The following RPS6KA2 variants were observed in gnomAD, a reference collection of about 807,000 sequenced individuals.
The protein encoded by RPS6KA2 is ribosomal protein S6 kinase A2, also known as ribosomal protein S6 kinase alpha-2.
A neutral mutation model predicts 91.8 loss-of-function variants in RPS6KA2; 42 were observed. That is an observed-to-expected ratio of 0.46 (90% CI 0.36 to 0.59). RPS6KA2 has a LOEUF of 0.59. RPS6KA2 is among the 20% of genes least tolerant of loss of function. The pLI is 0.00. For missense variants in RPS6KA2, 798 were observed against 978.5 expected, an observed-to-expected ratio of 0.82 and a Z score of 2.46; for synonymous variants, 414 against 393.6, an observed-to-expected ratio of 1.05 and a Z score of -0.61.
intron 1 of RPS6KA2, among the ~76,000 whole-genome samples, chr6:166,611,923 C>T (rs1194551449): frequency 1.3e-5 from 2 of 152,202 alleles, no homozygotes; most frequent in Non-Finnish European, 2.9e-5. Context: ...AGGGCACACA[C>T]GCCCAGGATG....
intron 1 of RPS6KA2, among the ~76,000 whole-genome samples, chr6:166,860,884 C>G (rs1781031935): frequency 6.6e-6 from 1 of 152,192 alleles, no homozygotes; most frequent in South Asian, 2.1e-4. Context: ...GCACCATCCT[C>G]AACACCAAGA....
At chr6:166,758,655 C>A (rs577052290) in intron 2 of RPS6KA2, among the ~76,000 whole-genome samples, 1 of 152,328 alleles carries the variant, frequency 6.6e-6, no homozygotes, top group African/African-American at 2.4e-5. Context: ...TACCAACTGA[C>A]AATCGCCTTC....
rs528463026 is a variant in RPS6KA2 at position 166,859,463 on chromosome 6, T to G, written c.64-1204A>C. 7.2e-5 allele frequency among the ~76,000 whole-genome samples: 11 copies of G among 152,338 alleles called. No homozygotes were observed. In the East Asian group the frequency reaches 1.5e-3, roughly 21 times the overall value. On this transcript the variant is annotated intron_variant, in intron 1 of 21. Transcript: ENST00000503859. Reference sequence around the variant, plus strand: ...GTGCCTTCAACTTGCCAGAACATAATTCATGAAATACTACATGTTTCTTTT... The same window carrying G: ...GTGCCTTCAACTTGCCAGAACATAAGTCATGAAATACTACATGTTTCTTTT...
intron 3 of RPS6KA2, among the ~76,000 whole-genome samples, chr6:166,525,903 T>C (rs1367525198): frequency 6.6e-6 from 1 of 152,180 alleles, no homozygotes. Flanking sequence ...CTTGGGCTAA[T>C]GGAACGCAGA....
In RPS6KA2 at chr6:166,612,608, G is replaced by T. The variant is rs2128534126; in HGVS notation, c.99+14313C>A. On this transcript the variant is annotated intron_variant, in intron 1 of 20. Coordinates refer to ENST00000265678, the MANE Select transcript of RPS6KA2 (RefSeq NM_021135.6). The surrounding 1 kb of genome is among the most constrained non-coding windows in gnomAD (Gnocchi z 4.3). ...CTCCACTAATCCTGCTCATCTGACCGAGGTCAGACACTGCTTTGCAGAGCC... is the reference window on the plus strand; with the variant it reads ...CTCCACTAATCCTGCTCATCTGACCTAGGTCAGACACTGCTTTGCAGAGCC... 6.6e-6 allele frequency among the ~76,000 whole-genome samples: 1 copy of T among 152,296 alleles called. No individual in the cohort carries two copies. Among genetic ancestry groups the T allele is most frequent in the South Asian group, 2.1e-4 (1 of 4,818 alleles).
chr6:166,514,189 C>T (rs1260503402), intron 3 of RPS6KA2, among the ~76,000 whole-genome samples: 1 of 152,182 alleles, frequency 6.6e-6, no homozygotes, highest in African/African-American at 2.4e-5. Context: ...TCCTTCCTCC[C>T]CCACCTCTTC....
At chr6:166,614,134 T>C (rs999044218) in intron 1 of RPS6KA2, among the ~76,000 whole-genome samples, 1 of 152,248 alleles carries the variant, frequency 6.6e-6, no homozygotes, top group Non-Finnish European at 1.5e-5. Context: ...CTCCCTGGAC[T>C]GCCCTCTCAA....
intron 2 of RPS6KA2, among the ~76,000 whole-genome samples, chr6:166,655,154 C>A (rs1056327578): frequency 6.6e-6 from 1 of 152,192 alleles, no homozygotes; most frequent in South Asian, 2.1e-4. Context: ...TATTTCCAAA[C>A]TATTCAATTT....
intron 2 of RPS6KA2, among the ~76,000 whole-genome samples, chr6:166,830,474 C>A (rs1484309916): frequency 6.6e-6 from 1 of 152,116 alleles, no homozygotes; most frequent in Non-Finnish European, 1.5e-5. Context: ...GCCCTGAATA[C>A]CTCTGACATA....
At chr6:166,417,785 G>T (rs1225226182) in intron 19 of RPS6KA2, among the ~76,000 whole-genome samples, 1 of 152,150 alleles carries the variant, frequency 6.6e-6, no homozygotes, top group African/African-American at 2.4e-5. Context: ...CGAGGATAAG[G>T]CCAGGTGTGG....
intron 2 of RPS6KA2, among the ~76,000 whole-genome samples, chr6:166,790,336 A>T (rs896631424): frequency 1.1e-4 from 17 of 152,368 alleles, no homozygotes; most frequent in East Asian, 3.9e-4. Context: ...AGAAATGAAC[A>T]AAGCTTCCAA....
chr6:166,759,826 G>A (rs536018230), intron 2 of RPS6KA2, among the ~76,000 whole-genome samples: 4 of 152,318 alleles, frequency 2.6e-5, no homozygotes, highest in African/African-American at 9.6e-5. Flanking sequence ...AGCCGAGTCC[G>A]TATCCTCGCC....
chr6:166,484,982 C>T (rs945697346), intron 10 of RPS6KA2, among the ~76,000 whole-genome samples: 1 of 152,250 alleles, frequency 6.6e-6, no homozygotes, highest in East Asian at 1.9e-4. Context: ...TTCTCATCCT[C>T]ATCAACAGCA....
chr6:166,498,555 G>A lies in RPS6KA2; in HGVS notation c.700C>T (p.Arg234Ter), dbSNP rs777363632. 21 of 1,613,530 alleles carry A rather than the reference G, an allele frequency of 1.3e-5. No homozygotes were observed. Among genetic ancestry groups the A allele is most frequent in the Non-Finnish European group, 1.6e-5 (19 of 1,179,970 alleles). ...EYMAPEVVNR[R>*]GHTQSADWWS... is the part of the protein sequence containing the mutation. ...CAGTCGGCACTCTGCGTGTGTCCTC[G>A]CCGGTTCACCACCTCGGGCGCCATG... Residue 234 changes from arginine to a stop codon, truncating the protein, a stop_gained, in exon 8 of 21, where the codon CGA becomes TGA. Coordinates refer to ENST00000265678, the MANE Select transcript of RPS6KA2 (RefSeq NM_021135.6). LOFTEE classifies it high-confidence loss of function.
intron 7 of RPS6KA2, among the ~76,000 whole-genome samples, chr6:166,499,187 A>ATC (rs1169847294): frequency 2.6e-5 from 4 of 152,166 alleles, no homozygotes; most frequent in Non-Finnish European, 5.9e-5. Context: ...AAGAACAGGG[A>ATC]TCTCCAGGTG....
At chr6:166,830,073 C>T (rs900663362) in intron 2 of RPS6KA2, among the ~76,000 whole-genome samples, 2 of 146,644 alleles carry the variant, frequency 1.4e-5, no homozygotes, top group East Asian at 2.0e-4. Context: ...TTGCATGAGC[C>T]GAGATCGCAC....
In RPS6KA2 at chr6:166,498,666, G is replaced by A. The variant is rs1166730993; in HGVS notation, c.605-16C>T. On this transcript the variant is annotated splice_polypyrimidine_tract_variant and intron_variant, in intron 7 of 20. Transcript: ENST00000265678. ...AGGCCGAAATCTACATGCAAACACA[G>A]CACACACACTGCCTCAGTCTCTGGG... 4.3e-6 allele frequency: 7 copies of A among 1,613,148 alleles called. No homozygotes were observed. Among genetic ancestry groups the A allele is most frequent in the Non-Finnish European group, 5.9e-6 (7 of 1,179,868 alleles).
At chr6:166,721,209 G>C (rs763676096) in intron 2 of RPS6KA2, among the ~76,000 whole-genome samples, 4 of 152,238 alleles carry the variant, frequency 2.6e-5, no homozygotes, top group Non-Finnish European at 4.4e-5. Context: ...AAATAACACA[G>C]GAAAGGTGGA....
chr6:166,702,505 T>G (rs1225195651), intron 2 of RPS6KA2: 1 of 1,542,320 alleles, frequency 6.5e-7, no homozygotes, highest in East Asian at 2.2e-5. Context: ...AGTGTTCACT[T>G]GCTGACAGCT....
Sources: allele counts gnomAD v4.1 joint callset (sites outside exome capture counted in the v4.1 genomes callset), GRCh38; gene constraint gnomAD v4.1.1; non-coding constraint Gnocchi (gnomAD v3.1); transcripts MANE v1.5; gene names NCBI Gene and HGNC (gene_info 2026-07-23, HGNC 2026-07-21).